Variants in NHERF2 observed in about 807,000 individuals in gnomAD.
The protein encoded by NHERF2 is NHERF family PDZ scaffold protein 2.
the NHERF2 span, chr16:2,033,522 T>A: frequency 2.2e-6 from 3 of 1,337,512 alleles, no homozygotes; most frequent in Non-Finnish European, 3.0e-6. Context: ...GGGACCTTGA[T>A]GTAAGCAGGC....
chr16:2,036,058 C>T, the NHERF2 span: 5 of 489,070 alleles, frequency 1.0e-5, no homozygotes, highest in East Asian at 6.6e-5. Flanking sequence ...ACGCTGGCCT[C>T]GAGCCAAAGG....
chr16:2,036,469 G>T, the NHERF2 span: 2 of 1,600,762 alleles, frequency 1.2e-6, no homozygotes, highest in Middle Eastern at 1.7e-4. Flanking sequence ...CCTGCCGCCC[G>T]CTCTGGCCTC....
chr16:2,031,497 G>A, the NHERF2 span, among the ~76,000 whole-genome samples: 37 of 152,170 alleles, frequency 2.4e-4, no homozygotes, highest in Admixed American at 1.3e-4. Flanking sequence ...TTATCTGGAG[G>A]GTGCAGTGGC....
At chr16:2,026,952 C>A in the NHERF2 span, 1 of 770,760 alleles carries the variant, frequency 1.3e-6, no homozygotes, top group Non-Finnish European at 1.6e-6. Context: ...GCCGCCGCCG[C>A]CCCCGAGCTC....
chr16:2,032,021 TC>T, the NHERF2 span, among the ~76,000 whole-genome samples: 1 of 145,170 alleles, frequency 6.9e-6, no homozygotes, highest in Non-Finnish European at 1.6e-5. The surrounding 1 kb of genome is among the most constrained non-coding windows in gnomAD (Gnocchi z 4.0). Context: ...TTTCTTTCTT[TC>T]TTTTTTTTTT....
At chr16:2,036,051 C>T in the NHERF2 span, 6 of 478,104 alleles carry the variant, frequency 1.3e-5, no homozygotes, top group Middle Eastern at 5.4e-4. Flanking sequence ...GTGCGCCACG[C>T]TGGCCTCGAG....
chr16:2,038,261 G>C, the NHERF2 span: 1 of 565,026 alleles, frequency 1.8e-6, no homozygotes, highest in Non-Finnish European at 3.2e-6. Context: ...GACAGAGAGA[G>C]AGCGAGCGAG....
At chr16:2,037,390 C>G in the NHERF2 span, 4 of 776,796 alleles carry the variant, frequency 5.1e-6, no homozygotes, top group African/African-American at 6.8e-5. Flanking sequence ...CGGTGCCTGC[C>G]CCGCCGCATC....
chr16:2,034,316 G>C, the NHERF2 span, among the ~76,000 whole-genome samples: 1 of 151,210 alleles, frequency 6.6e-6, no homozygotes, highest in South Asian at 2.1e-4. Context: ...CCTTCCCTGC[G>C]TCCCAGGCCA....
the NHERF2 span, among the ~76,000 whole-genome samples, chr16:2,034,970 G>A: frequency 6.6e-6 from 1 of 152,176 alleles, no homozygotes; most frequent in Non-Finnish European, 1.5e-5. Context: ...GTGGGGCCCT[G>A]GAGATTTTGG....
chr16:2,033,614 G>A, the NHERF2 span, among the ~76,000 whole-genome samples: 3 of 152,336 alleles, frequency 2.0e-5, no homozygotes, highest in South Asian at 4.1e-4. Context: ...GTACCCCCAT[G>A]CCAGCCTCTT....
the NHERF2 span, chr16:2,033,289 C>G: frequency 6.5e-7 from 1 of 1,531,826 alleles, no homozygotes; most frequent in Non-Finnish European, 8.7e-7. Flanking sequence ...CAGCCTGGGT[C>G]GGCCAGAGAG....
the NHERF2 span, chr16:2,035,517 C>G: frequency 1.0e-6 from 1 of 986,436 alleles, no homozygotes; most frequent in East Asian, 1.1e-4. Flanking sequence ...CTTGGCGCTC[C>G]CTGGAAACCT....
At chr16:2,036,347 G>A in the NHERF2 span, 3 of 1,610,466 alleles carry the variant, frequency 1.9e-6, no homozygotes, top group Admixed American at 1.7e-5. Flanking sequence ...CCCTGAGGGA[G>A]CTGCGCCCTC....
At chr16:2,035,941 C>T in the NHERF2 span, 1 of 215,472 alleles carries the variant, frequency 4.6e-6, no homozygotes. Context: ...GGAGGAGAGC[C>T]CGGGGCAGGG....
the NHERF2 span, among the ~76,000 whole-genome samples, chr16:2,033,822 C>G: frequency 6.6e-6 from 1 of 152,192 alleles, no homozygotes; most frequent in Non-Finnish European, 1.5e-5. Context: ...GGCCCCCCTT[C>G]CCCACGAGCC....
chr16:2,037,811 C>G, the NHERF2 span: 1 of 1,573,214 alleles, frequency 6.4e-7, no homozygotes, highest in Admixed American at 1.9e-5. Context: ...ACCCCACCCA[C>G]CGTGCTCACC....
chr16:2,035,318 G>C, the NHERF2 span: 1 of 811,464 alleles, frequency 1.2e-6, no homozygotes, highest in Admixed American at 6.2e-5. Flanking sequence ...GGTGGCTGGA[G>C]GGGTTGGGGG....
the NHERF2 span, chr16:2,038,526 G>C: frequency 2.7e-6 from 1 of 365,146 alleles, no homozygotes; most frequent in Non-Finnish European, 5.1e-6. Flanking sequence ...GCCGTCCTGA[G>C]TGGGAGTCCC....
Sources: allele counts gnomAD v4.1 joint callset (sites outside exome capture counted in the v4.1 genomes callset), GRCh38; gene constraint gnomAD v4.1.1; non-coding constraint Gnocchi (gnomAD v3.1); transcripts MANE v1.5; gene names NCBI Gene and HGNC (gene_info 2026-07-23, HGNC 2026-07-21).